The following NKAIN2 variants were observed in gnomAD, a reference collection of about 807,000 sequenced individuals.
NKAIN2 encodes the protein sodium/potassium transporting ATPase interacting 2.
In NKAIN2, 14 loss-of-function variants were observed where a neutral mutation model predicts 32.6. That is an observed-to-expected ratio of 0.43 (90% CI 0.28 to 0.67). NKAIN2 has a LOEUF of 0.67. Ranked by LOEUF, NKAIN2 falls within the 30% of genes least tolerant of loss-of-function variation. The pLI is 0.17. For synonymous variants in NKAIN2, 80 were observed against 87.2 expected, an observed-to-expected ratio of 0.92 and a Z score of 0.46; for missense variants, 198 against 258.3, an observed-to-expected ratio of 0.77 and a Z score of 1.60.
chr6:124,737,647 G>T (rs1056664156), intron 4 of NKAIN2, among the ~76,000 whole-genome samples: 2 of 151,882 alleles, frequency 1.3e-5, no homozygotes, highest in Non-Finnish European at 2.9e-5. Context: ...ACTTCCTAGA[G>T]ACTTGGAGGG....
intron 3 of NKAIN2, among the ~76,000 whole-genome samples, chr6:124,371,986 C>G (rs1444073114): frequency 6.6e-6 from 1 of 152,010 alleles, no homozygotes; most frequent in East Asian, 1.9e-4. Flanking sequence ...CAAATGAACA[C>G]AAACCCTAGT....
intron 3 of NKAIN2, among the ~76,000 whole-genome samples, chr6:124,463,664 T>C (rs1376545687): frequency 6.6e-6 from 1 of 152,154 alleles, no homozygotes; most frequent in Non-Finnish European, 1.5e-5. Context: ...CGTACCTTTC[T>C]TAACTTATTC....
chr6:124,011,057 G>C (rs1780300435), intron 1 of NKAIN2, among the ~76,000 whole-genome samples: 1 of 151,966 alleles, frequency 6.6e-6, no homozygotes, highest in Non-Finnish European at 1.5e-5. Context: ...ACCAGATTCT[G>C]CTCATAAGAT....
intron 4 of NKAIN2, among the ~76,000 whole-genome samples, chr6:124,696,398 C>T (rs896585324): frequency 5.9e-5 from 9 of 152,022 alleles, no homozygotes; most frequent in East Asian, 1.9e-4. Flanking sequence ...CATCATTTTC[C>T]GAGCCCCAAA....
chr6:124,029,054 T>A (rs1169582133), intron 1 of NKAIN2, among the ~76,000 whole-genome samples: 5 of 151,392 alleles, frequency 3.3e-5, no homozygotes, highest in Non-Finnish European at 7.4e-5. Flanking sequence ...GAATTTTTTT[T>A]ATAGTTTGAT....
intron 1 of NKAIN2, among the ~76,000 whole-genome samples, chr6:124,194,759 T>C (rs985388255): frequency 4.6e-5 from 7 of 152,206 alleles, no homozygotes; most frequent in Non-Finnish European, 1.0e-4. Context: ...GGACTTCTAG[T>C]TTACTACATA....
intron 1 of NKAIN2, among the ~76,000 whole-genome samples, chr6:124,199,760 A>G (rs557033546): frequency 2.3e-4 from 35 of 152,160 alleles, no homozygotes; most frequent in Non-Finnish European, 4.7e-4. Flanking sequence ...AAGAAAATTA[A>G]CTTGATGTTT....
Position 124,355,295 on chromosome 6 carries a change from C to T in NKAIN2, c.221C>T (p.Thr74Met), listed in dbSNP as rs372859454. The T allele has an allele frequency of 9.3e-6, 15 of 1,609,688 alleles. No individual in the cohort carries two copies. Among genetic ancestry groups the T allele is most frequent in the African/African-American group, 1.3e-5 (1 of 74,782 alleles). ...GYAVWLVLWV[T>M]WNVFVICFYL... ...GCTGTCTGGCTAGTCCTCTGGGTTA[C>T]GTGGAATGTGTTTGTTATCTGCTTC... is the stretch of plus-strand genomic sequence containing the variant. Residue 74 changes from threonine to methionine, a missense_variant, in exon 3 of 7, where the codon ACG becomes ATG. By Grantham distance (81) the Thr-to-Met change is moderately conservative. Coordinates refer to ENST00000368417, the MANE Select transcript of NKAIN2 (RefSeq NM_001040214.3).
intron 4 of NKAIN2, among the ~76,000 whole-genome samples, chr6:124,692,582 T>C (rs1774310112): frequency 6.6e-6 from 1 of 152,072 alleles, no homozygotes; most frequent in South Asian, 2.1e-4. Flanking sequence ...TTTGGGAGCC[T>C]GAGGTGGGTG....
intron 1 of NKAIN2, among the ~76,000 whole-genome samples, chr6:124,271,904 A>C (rs148838650): frequency 2.2e-3 from 339 of 152,286 alleles, no homozygotes; most frequent in African/African-American, 7.7e-3. Flanking sequence ...ATCTATGGAA[A>C]TTTGAACTTG....
intron 3 of NKAIN2, among the ~76,000 whole-genome samples, chr6:124,444,809 A>G (rs563762543): frequency 3.9e-5 from 6 of 152,104 alleles, no homozygotes; most frequent in South Asian, 2.1e-4. Flanking sequence ...GTCTGATTCA[A>G]GGAGCTTTTT....
intron 4 of NKAIN2, among the ~76,000 whole-genome samples, chr6:124,686,527 G>A (rs1773887309): frequency 6.6e-6 from 1 of 151,968 alleles, no homozygotes; most frequent in South Asian, 2.1e-4. Flanking sequence ...ACAGCACTAG[G>A]GGAACAGCAC....
Position 124,193,672 on chromosome 6 carries a change from G to A in NKAIN2, c.55-89333G>A, listed in dbSNP as rs970853033. 2.0e-5 allele frequency among the ~76,000 whole-genome samples: 3 copies of A among 152,136 alleles called. No individual in the cohort carries two copies. The South Asian group carries it at 6.2e-4, about 32-fold the overall frequency. ...TTAGCCCTGCCATTCAGTAGGTCCC[G>A]AGTTCTTGTTCTGTGACCAGGAAGA... On this transcript the variant is annotated intron_variant, in intron 1 of 6. Transcript: ENST00000368417.
chr6:124,467,939 C>T lies in NKAIN2; in HGVS notation c.273+112592C>T, dbSNP rs556622467. Among the ~76,000 whole-genome samples the T allele has an allele frequency of 7.9e-5, 12 of 152,092 alleles. No homozygotes were observed. In the South Asian group the frequency reaches 2.5e-3, roughly 32 times the overall value. On this transcript the variant is annotated intron_variant, in intron 3 of 6. Coordinates refer to ENST00000368417, the MANE Select transcript of NKAIN2 (RefSeq NM_001040214.3). Reference sequence around the variant, plus strand: ...TAAATTATTTAACTTATTTAAATTTCAGTTTCTTCAAGTATATGTTTGGGG... The same window carrying T: ...TAAATTATTTAACTTATTTAAATTTTAGTTTCTTCAAGTATATGTTTGGGG...
At chr6:124,346,464 A>C (rs1798429414) in intron 2 of NKAIN2, among the ~76,000 whole-genome samples, 1 of 152,078 alleles carries the variant, frequency 6.6e-6, no homozygotes, top group African/African-American at 2.4e-5. Context: ...ATTGTGTGGG[A>C]GTCTAAGTCT....
chr6:124,055,819 A>G (rs1301124935), intron 1 of NKAIN2, among the ~76,000 whole-genome samples: 1 of 152,110 alleles, frequency 6.6e-6, no homozygotes, highest in Non-Finnish European at 1.5e-5. Flanking sequence ...TAGGAAATAA[A>G]TGCCAGAAAA....
At chr6:124,710,429 G>T (rs941027268) in intron 4 of NKAIN2, among the ~76,000 whole-genome samples, 1 of 150,444 alleles carries the variant, frequency 6.6e-6, no homozygotes, top group Non-Finnish European at 1.5e-5. Flanking sequence ...TGACAGTGGG[G>T]TGTTAAAGTC....
chr6:124,689,490 T>A (rs961770131), intron 4 of NKAIN2, among the ~76,000 whole-genome samples: 2 of 152,140 alleles, frequency 1.3e-5, no homozygotes, highest in African/African-American at 4.8e-5. Context: ...ATTCTTTCTT[T>A]CATAGATTGT....
At chr6:123,975,923 C>CCCCGT (rs1562286942) in intron 1 of NKAIN2, among the ~76,000 whole-genome samples, 1 of 151,662 alleles carries the variant, frequency 6.6e-6, no homozygotes, top group Non-Finnish European at 1.5e-5. Context: ...CTACATGTCG[C>CCCCGT]GGGAGGGACC....
Sources: gnomAD v4.1 joint callset for allele counts (sites outside exome capture counted in the v4.1 genomes callset) on GRCh38, gnomAD v4.1.1 for gene constraint, MANE v1.5 for transcripts, NCBI Gene and HGNC (gene_info 2026-07-23, HGNC 2026-07-21) for gene names.